FOCAD: variants seen among roughly 807,000 people sequenced by gnomAD.
FOCAD encodes the protein focadhesin, also known as KIAA1797.
In FOCAD, 198 loss-of-function variants were observed where a neutral mutation model predicts 225.6. The ratio of observed to expected loss-of-function variants is 0.88; its 90% CI spans 0.78 to 0.99. FOCAD has a LOEUF of 0.99. FOCAD is among the 50% of genes least tolerant of loss of function. The probability of loss-of-function intolerance (pLI) is 0.00; values close to 1 mark genes in which losing one functional copy is unlikely to be tolerated. For missense variants in FOCAD, 2,713 were observed against 2,123.6 expected (o/e 1.28, Z -5.46); for synonymous variants, 897 against 755.0 (o/e 1.19, Z -3.08).
intron 6 of FOCAD, among the ~76,000 whole-genome samples, chr9:20,762,533 T>A (rs977213647): frequency 1.3e-5 from 2 of 152,242 alleles, no homozygotes; most frequent in Non-Finnish European, 2.9e-5. Context: ...AATAAATTAA[T>A]GAATGAATAA....
intron 15 of FOCAD, among the ~76,000 whole-genome samples, chr9:20,834,491 C>G (rs953301896): frequency 1.3e-5 from 2 of 152,002 alleles, no homozygotes; most frequent in Admixed American, 6.6e-5. Context: ...TAACCATTAT[C>G]TGGTCAATGG....
chr9:20,754,847 T>G (rs183509920), intron 5 of FOCAD, among the ~76,000 whole-genome samples: 1 of 152,314 alleles, frequency 6.6e-6, no homozygotes. Flanking sequence ...GAAACTCTCA[T>G]GCATGGGCAG....
intron 1 of FOCAD, among the ~76,000 whole-genome samples, chr9:20,704,083 C>A (rs549154092): frequency 6.6e-6 from 1 of 152,156 alleles, no homozygotes; most frequent in African/African-American, 2.4e-5. Context: ...TGTGGACAAT[C>A]TTAGAGTTTG....
chr9:20,745,349 C>G (rs1171923132), intron 5 of FOCAD, among the ~76,000 whole-genome samples: 5 of 152,080 alleles, frequency 3.3e-5, no homozygotes, highest in African/African-American at 1.2e-4. Context: ...TTCGGCCTCC[C>G]AAAGTGCTGG....
At chr9:20,904,677 G>A (rs765353469) in intron 21 of FOCAD, among the ~76,000 whole-genome samples, 23 of 152,000 alleles carry the variant, frequency 1.5e-4, no homozygotes, top group Non-Finnish European at 3.2e-4. Flanking sequence ...CATTGCAAGA[G>A]TATGAGTAGT....
intron 2 of FOCAD, among the ~76,000 whole-genome samples, chr9:20,667,710 G>C (rs976104632): frequency 1.3e-5 from 2 of 152,188 alleles, no homozygotes; most frequent in African/African-American, 4.8e-5. Flanking sequence ...TATTGTGACA[G>C]GAATAATACT....
At chr9:20,769,290 C>T (rs1381302494) in intron 7 of FOCAD, among the ~76,000 whole-genome samples, 5 of 152,148 alleles carry the variant, frequency 3.3e-5, no homozygotes, top group South Asian at 2.1e-4. Flanking sequence ...GCCGGTCAAC[C>T]GTAGGCTTTC....
chr9:20,968,073 C>A (rs911975571), intron 35 of FOCAD, among the ~76,000 whole-genome samples: 2 of 152,040 alleles, frequency 1.3e-5, no homozygotes, highest in African/African-American at 4.8e-5. Flanking sequence ...ACCAATGAAG[C>A]CTTCTGGTCT....
intron 4 of FOCAD, among the ~76,000 whole-genome samples, chr9:20,732,301 A>G (rs1826780789): frequency 6.6e-6 from 1 of 152,220 alleles, no homozygotes; most frequent in Non-Finnish European, 1.5e-5. Flanking sequence ...TCATGGTGGT[A>G]AAAGCAGGCT....
rs1030277063 is a variant in FOCAD at position 20,978,241 on chromosome 9, A to C, written c.4262-98A>C. 1.5e-5 allele frequency: 10 copies of C among 687,230 alleles called. No individual in the cohort carries two copies. The African/African-American group carries it at 1.7e-4, about 11-fold the overall frequency. The allele number at this position is 687,230 out of a possible 1,614,324, so 42.6% of individuals were successfully genotyped here. ...TTACTGAAGTTCTGTTACCTGCAAAAGTCACATAAGCAGATGCTTTGATTT... is the reference window on the plus strand; with the variant it reads ...TTACTGAAGTTCTGTTACCTGCAAACGTCACATAAGCAGATGCTTTGATTT... On this transcript the variant is annotated intron_variant, in intron 36 of 43. Coordinates refer to ENST00000338382, the MANE Select transcript of FOCAD (RefSeq NM_001375567.1).
chr9:20,821,996 T>TAAAAAAAAAAAA (rs58640962), intron 14 of FOCAD, among the ~76,000 whole-genome samples: 2 of 49,300 alleles, frequency 4.1e-5, no homozygotes, highest in African/African-American at 7.9e-5. Flanking sequence ...TAAAAGTTAC[T>TAAAAAAAAAAAA]AAAAAAAAAA....
At chr9:20,798,228 G>GCGCT (rs2131259110) in intron 11 of FOCAD, among the ~76,000 whole-genome samples, 1 of 152,290 alleles carries the variant, frequency 6.6e-6, no homozygotes, top group Admixed American at 6.5e-5. Flanking sequence ...GCTTTTTGAT[G>GCGCT]CGCTGCTGGA....
intron 1 of FOCAD, among the ~76,000 whole-genome samples, chr9:20,705,412 T>G (rs982593025): frequency 4.6e-5 from 7 of 152,300 alleles, no homozygotes; most frequent in East Asian, 1.9e-4. Flanking sequence ...TAGGTTATTT[T>G]AGAGAGTGAG....
intron 35 of FOCAD, among the ~76,000 whole-genome samples, chr9:20,971,615 A>G (rs1839774859): frequency 1.3e-5 from 2 of 152,078 alleles, no homozygotes; most frequent in South Asian, 2.1e-4. Flanking sequence ...AATTTTTTGT[A>G]TTTTTAGTAG....
chr9:20,799,318 A>C (rs1404925424), intron 11 of FOCAD, among the ~76,000 whole-genome samples: 1 of 152,150 alleles, frequency 6.6e-6, no homozygotes, highest in African/African-American at 2.4e-5. Context: ...AAGAATGTAT[A>C]TTCTGTTGAT....
At chr9:20,877,205 G>A (rs575854733) in intron 19 of FOCAD, among the ~76,000 whole-genome samples, 9 of 152,048 alleles carry the variant, frequency 5.9e-5, no homozygotes, top group South Asian at 2.1e-4. Flanking sequence ...TTCTTTCCCC[G>A]TCAAGTGTCC....
In FOCAD at chr9:20,781,727, C is replaced by T; in HGVS notation, c.995C>T (p.Ala332Val). 1.2e-6 allele frequency: 2 copies of T among 1,612,968 alleles called. No homozygotes were observed. Among genetic ancestry groups the T allele is most frequent in the Non-Finnish European group, 1.7e-6 (2 of 1,179,662 alleles). ...TGTGCATTATTGTTTTGATGAATAG[C>T]TTTGAAGCTCCTCTCTGTTACTGAG... ...ASQQKPILNLALKLLSVTEDQ... is the reference protein window; with the variant it reads ...ASQQKPILNLVLKLLSVTEDQ... Residue 332 changes from alanine (A) to valine (V), a missense_variant and splice_region_variant, in exon 10 of 44, where the codon GCT (alanine) becomes GTT (valine). Physicochemically the swap from Ala to Val is moderately conservative, Grantham distance 64. Coordinates refer to ENST00000338382, the MANE Select transcript of FOCAD (RefSeq NM_001375567.1).
intron 11 of FOCAD, among the ~76,000 whole-genome samples, chr9:20,812,638 G>C (rs1355034496): frequency 6.6e-6 from 1 of 151,762 alleles, no homozygotes; most frequent in Non-Finnish European, 1.5e-5. Context: ...CTTGCATGAT[G>C]GCTCTTTGTT....
intron 6 of FOCAD, among the ~76,000 whole-genome samples, chr9:20,759,458 G>C (rs1829366499): frequency 6.6e-6 from 1 of 152,144 alleles, no homozygotes; most frequent in South Asian, 2.1e-4. Context: ...ACAAGCAATG[G>C]GGAAAGGATT....
Sources: gnomAD v4.1 joint callset for allele counts (sites outside exome capture counted in the v4.1 genomes callset) on GRCh38, gnomAD v4.1.1 for gene constraint, MANE v1.5 for transcripts, NCBI Gene and HGNC (gene_info 2026-07-23, HGNC 2026-07-21) for gene names.